Variants in RBFOX1 observed in about 807,000 individuals in gnomAD.
The protein encoded by RBFOX1 is RNA binding fox-1 homolog 1.
RBFOX1 carries 8 observed loss-of-function variants against 57.7 expected under a neutral mutation model. That is an observed-to-expected ratio of 0.14 (90% CI 0.08 to 0.25). RBFOX1 has a LOEUF of 0.25. RBFOX1 is among the 10% of genes least tolerant of loss of function. RBFOX1 has a pLI of 1.00. For missense variants in RBFOX1, 611 were observed against 548.5 expected (o/e 1.11, Z -1.14); for synonymous variants, 326 against 222.4 (o/e 1.47, Z -4.15).
chr16:7,267,946 C>T (rs772666193), intron 4 of RBFOX1, among the ~76,000 whole-genome samples: 8 of 152,102 alleles, frequency 5.3e-5, no homozygotes, highest in Admixed American at 1.3e-4. Context: ...GCAGGGGTAC[C>T]GCTCTGAGAA....
intron 2 of RBFOX1, among the ~76,000 whole-genome samples, chr16:6,397,672 C>T (rs1191365326): frequency 6.6e-6 from 1 of 152,128 alleles, no homozygotes; most frequent in African/African-American, 2.4e-5. Flanking sequence ...ATATATGTAA[C>T]TGTGTAAAGA....
intron 3 of RBFOX1, among the ~76,000 whole-genome samples, chr16:5,716,088 T>C (rs1404255325): frequency 6.6e-6 from 1 of 152,236 alleles, no homozygotes; most frequent in Non-Finnish European, 1.5e-5. Flanking sequence ...TAGCAAGTAT[T>C]ATACACCAGA....
At chr16:7,235,359 G>C (rs1252492810) in intron 4 of RBFOX1, among the ~76,000 whole-genome samples, 1 of 152,160 alleles carries the variant, frequency 6.6e-6, no homozygotes, top group Non-Finnish European at 1.5e-5. Flanking sequence ...GCTTAGAACA[G>C]GGTATGTATC....
intron 6 of RBFOX1, among the ~76,000 whole-genome samples, chr16:7,582,123 G>A (rs185440245): frequency 6.6e-6 from 1 of 151,682 alleles, no homozygotes; most frequent in Non-Finnish European, 1.5e-5. Flanking sequence ...TTTCTCCTGG[G>A]TTCAAGCGAT....
rs186010715 is a variant in RBFOX1, at chr16:7,423,306, C to A, written c.28-94841C>A. On this transcript the variant is annotated intron_variant, in intron 4 of 15. Transcript: ENST00000550418. Reference sequence around the variant, plus strand: ...TCATAGTTAACTGATTAGGTATTTTCTCACCAGTTCTAAACACAAAGAGTG... The same window carrying A: ...TCATAGTTAACTGATTAGGTATTTTATCACCAGTTCTAAACACAAAGAGTG... Among the ~76,000 whole-genome samples, 691 of 152,060 alleles carry A rather than the reference C, an allele frequency of 4.5e-3. 14 individuals carry two copies. Among genetic ancestry groups the A allele is most frequent in the Non-Finnish European group, 3.3e-3 (227 of 68,008 alleles).
chr16:6,643,853 C>A (rs1176398632), intron 2 of RBFOX1, among the ~76,000 whole-genome samples: 1 of 151,940 alleles, frequency 6.6e-6, no homozygotes, highest in Non-Finnish European at 1.5e-5. Flanking sequence ...AGGCTGAGCA[C>A]GCTGGGTCAT....
chr16:6,076,832 A>G (rs569211389), intron 1 of RBFOX1, among the ~76,000 whole-genome samples: 3 of 152,286 alleles, frequency 2.0e-5, no homozygotes, highest in African/African-American at 7.2e-5. Flanking sequence ...CAAAACCATG[A>G]GGCCAAAAAC....
chr16:6,371,218 A>G (rs750989177), intron 2 of RBFOX1, among the ~76,000 whole-genome samples: 5 of 152,096 alleles, frequency 3.3e-5, no homozygotes, highest in Non-Finnish European at 7.4e-5. Flanking sequence ...TAAAATACCG[A>G]TTTGTCATCA....
intron 4 of RBFOX1, among the ~76,000 whole-genome samples, chr16:7,480,789 T>C (rs1026837432): frequency 1.3e-5 from 2 of 152,146 alleles, no homozygotes; most frequent in East Asian, 1.9e-4. Context: ...TAATTAATGA[T>C]CTGCTGGGCC....
intron 2 of RBFOX1, among the ~76,000 whole-genome samples, chr16:6,611,153 T>A (rs1045171570): frequency 1.3e-5 from 2 of 152,148 alleles, no homozygotes; most frequent in African/African-American, 4.8e-5. Context: ...TGTAGTTATT[T>A]TTTTGAGGGG....
intron 1 of RBFOX1, among the ~76,000 whole-genome samples, chr16:6,047,137 G>GA (rs1429494135): frequency 1.3e-5 from 2 of 152,124 alleles, no homozygotes; most frequent in East Asian, 3.8e-4. Flanking sequence ...TGAGGGGCAG[G>GA]AAAAAATGGA....
chr16:6,745,099 C>G (rs1199333656), intron 3 of RBFOX1, among the ~76,000 whole-genome samples: 1 of 151,870 alleles, frequency 6.6e-6, no homozygotes, highest in African/African-American at 2.4e-5. Context: ...TGGGTAAATT[C>G]CTTGAAAGAG....
chr16:7,540,094 CAT>C (rs1325170661), intron 5 of RBFOX1, among the ~76,000 whole-genome samples: 1 of 152,220 alleles, frequency 6.6e-6, no homozygotes, highest in Non-Finnish European at 1.5e-5. Context: ...TGCAGAAAGA[CAT>C]GTGCCTCATT....
At chr16:6,067,146 T>C (rs1353545864) in intron 1 of RBFOX1, among the ~76,000 whole-genome samples, 3 of 152,302 alleles carry the variant, frequency 2.0e-5, no homozygotes, top group East Asian at 1.9e-4. Context: ...TGTGCATTGC[T>C]AAGTTCATGG....
chr16:5,983,543 C>T (rs1350427846), intron 4 of RBFOX1, among the ~76,000 whole-genome samples: 4 of 152,162 alleles, frequency 2.6e-5, no homozygotes, highest in Non-Finnish European at 1.5e-5. Context: ...TCGGGGATCA[C>T]CACTCTGTGG....
At chr16:5,732,727 A>ACT (rs2052425294) in intron 3 of RBFOX1, among the ~76,000 whole-genome samples, 1 of 152,160 alleles carries the variant, frequency 6.6e-6, no homozygotes, top group Admixed American at 6.6e-5. Flanking sequence ...ACAATTATTT[A>ACT]CTACAAGTCA....
chr16:5,277,367 G>C (rs1258018259), intron 1 of RBFOX1, among the ~76,000 whole-genome samples: 1 of 151,796 alleles, frequency 6.6e-6, no homozygotes, highest in Non-Finnish European at 1.5e-5. Context: ...TCTGGCGATG[G>C]GTGTGCCAAA....
intron 4 of RBFOX1, among the ~76,000 whole-genome samples, chr16:5,894,409 A>C (rs2058111817): frequency 6.6e-6 from 1 of 152,036 alleles, no homozygotes; most frequent in African/African-American, 2.4e-5. Flanking sequence ...CAGCCTCCCA[A>C]GTAGCTGTCA....
intron 2 of RBFOX1, among the ~76,000 whole-genome samples, chr16:6,508,633 C>T (rs1046826070): frequency 6.6e-6 from 1 of 152,046 alleles, no homozygotes; most frequent in African/African-American, 2.4e-5. Flanking sequence ...CTTTACTTTT[C>T]TCTTGAACTT....
Sources: gnomAD v4.1 joint callset for allele counts (sites outside exome capture counted in the v4.1 genomes callset) on GRCh38, gnomAD v4.1.1 for gene constraint, MANE v1.5 for transcripts, NCBI Gene and HGNC (gene_info 2026-07-23, HGNC 2026-07-21) for gene names.